Variants in IMMP2L observed in about 807,000 individuals in gnomAD.
The protein encoded by IMMP2L is mitochondrial inner membrane protease subunit 2.
IMMP2L carries 18 observed loss-of-function variants against 19.3 expected under a neutral mutation model. That is an observed-to-expected ratio of 0.93 (90% CI 0.64 to 1.38). The LOEUF is 1.38. Ranked by LOEUF, IMMP2L falls within the 40% of genes most tolerant of loss-of-function variation. The pLI, the probability that IMMP2L is intolerant of heterozygous loss-of-function variation, is 0.00. For synonymous variants in IMMP2L, 76 were observed against 73.0 expected, an observed-to-expected ratio of 1.04 and a Z score of -0.21; for missense variants, 233 against 218.2, an observed-to-expected ratio of 1.07 and a Z score of -0.43.
At chr7:111,331,697 A>T (rs1825895611) in intron 3 of IMMP2L, among the ~76,000 whole-genome samples, 1 of 151,902 alleles carries the variant, frequency 6.6e-6, no homozygotes, top group Non-Finnish European at 1.5e-5. Flanking sequence ...ATAAATTATC[A>T]ATTTACAATT....
rs556093028 is a variant in IMMP2L, at chr7:110,844,457, C to T, written c.408+42136G>A. Reference sequence around the variant, plus strand: ...GAAGAGTTCAGTATGAAATGGAAACCAAAAAAAGTTTAGCAGTTTTGCACC... The same window carrying T: ...GAAGAGTTCAGTATGAAATGGAAACTAAAAAAAGTTTAGCAGTTTTGCACC... On this transcript the variant is annotated intron_variant, in intron 5 of 5. Coordinates refer to ENST00000405709, the MANE Select transcript of IMMP2L (RefSeq NM_032549.4). Among the ~76,000 whole-genome samples the T allele has an allele frequency of 2.0e-5, 3 of 151,466 alleles. No homozygotes were observed. The South Asian group carries it at 6.3e-4, about 32-fold the overall frequency.
intron 3 of IMMP2L, chr7:111,411,280 AAT>A (rs1237724194): frequency 4.8e-6 from 1 of 207,368 alleles, no homozygotes; most frequent in African/African-American, 2.4e-5. Flanking sequence ...AGCCAGATCA[AAT>A]ATTTTTCAAA....
At chr7:110,947,836 T>C (rs1352742579) in intron 4 of IMMP2L, among the ~76,000 whole-genome samples, 1 of 152,172 alleles carries the variant, frequency 6.6e-6, no homozygotes, top group Non-Finnish European at 1.5e-5. Context: ...CATATTAAAA[T>C]CAGGTATCAC....
chr7:111,117,135 A>C (rs1262468177), intron 3 of IMMP2L, among the ~76,000 whole-genome samples: 1 of 152,144 alleles, frequency 6.6e-6, no homozygotes, highest in Non-Finnish European at 1.5e-5. Flanking sequence ...CACTGATCCT[A>C]AATTTGTTAA....
At chr7:111,014,142 T>A (rs1825254062) in intron 3 of IMMP2L, among the ~76,000 whole-genome samples, 1 of 152,080 alleles carries the variant, frequency 6.6e-6, no homozygotes, top group Non-Finnish European at 1.5e-5. Context: ...GGGAGGCAGA[T>A]CACTTGAGGC....
intron 3 of IMMP2L, among the ~76,000 whole-genome samples, chr7:111,440,294 T>G (rs1006052515): frequency 2.0e-5 from 3 of 151,848 alleles, no homozygotes; most frequent in Non-Finnish European, 4.4e-5. Context: ...AGAGGAATCG[T>G]TATCTATGGC....
At chr7:111,331,484 A>G (rs1825869230) in intron 3 of IMMP2L, among the ~76,000 whole-genome samples, 2 of 151,828 alleles carry the variant, frequency 1.3e-5, no homozygotes, top group Admixed American at 6.6e-5. Context: ...TGCTTTTTTT[A>G]GTTCTATTGC....
At chr7:111,231,197 T>C (rs1813680009) in intron 3 of IMMP2L, among the ~76,000 whole-genome samples, 1 of 152,044 alleles carries the variant, frequency 6.6e-6, no homozygotes, top group Admixed American at 6.6e-5. Flanking sequence ...TCTGTCTCCA[T>C]TTCTCAAATG....
At chr7:110,993,663 C>T (rs1822718840) in intron 3 of IMMP2L, among the ~76,000 whole-genome samples, 1 of 151,926 alleles carries the variant, frequency 6.6e-6, no homozygotes, top group African/African-American at 2.4e-5. Context: ...TGCCCTCCGA[C>T]AGTCTGACTT....
intron 5 of IMMP2L, among the ~76,000 whole-genome samples, chr7:110,687,630 C>CT (rs781445652): frequency 1.4e-4 from 22 of 151,914 alleles, no homozygotes; most frequent in Non-Finnish European, 2.5e-4. Flanking sequence ...AAATTTAGAT[C>CT]TTAATGATTA....
chr7:110,886,086 A>G (rs899633436), intron 5 of IMMP2L, among the ~76,000 whole-genome samples: 2 of 152,020 alleles, frequency 1.3e-5, no homozygotes, highest in East Asian at 3.9e-4. Context: ...CTTTTCTCCT[A>G]TGACTCTGTC....
intron 2 of IMMP2L, among the ~76,000 whole-genome samples, chr7:111,506,074 C>G (rs1322228468): frequency 6.6e-6 from 1 of 151,826 alleles, no homozygotes. Context: ...TTGAGAACAC[C>G]TGGGCAACAT....
chr7:111,374,410 T>G (rs1830505706), intron 3 of IMMP2L, among the ~76,000 whole-genome samples: 1 of 151,820 alleles, frequency 6.6e-6, no homozygotes, highest in Non-Finnish European at 1.5e-5. Flanking sequence ...CTAATAGAAC[T>G]TAGTGATGAG....
intron 3 of IMMP2L, among the ~76,000 whole-genome samples, chr7:110,996,020 A>C (rs1271622813): frequency 6.6e-6 from 1 of 152,184 alleles, no homozygotes; most frequent in Admixed American, 6.6e-5. Flanking sequence ...GACCTGGGTT[A>C]AATCCCAGCT....
intron 3 of IMMP2L, among the ~76,000 whole-genome samples, chr7:111,302,407 G>A (rs559556937): frequency 3.9e-5 from 6 of 152,150 alleles, no homozygotes; most frequent in South Asian, 4.1e-4. Context: ...AGTGCTTGAC[G>A]TCCCTATTTA....
intron 3 of IMMP2L, among the ~76,000 whole-genome samples, chr7:111,139,715 C>A (rs889337825): frequency 6.6e-6 from 1 of 151,958 alleles, no homozygotes. Flanking sequence ...AGCAATAAAC[C>A]TCAAATTCCT....
At chr7:110,762,794 A>G (rs6466360) in intron 5 of IMMP2L, among the ~76,000 whole-genome samples, 60,930 of 151,900 alleles carry the variant, frequency 0.4, 12,392 homozygotes, top group African/African-American at 0.46. Context: ...AAGCAATACA[A>G]TTCCCAAAAA....
intron 3 of IMMP2L, among the ~76,000 whole-genome samples, chr7:111,111,518 G>C (rs1586341574): frequency 6.6e-6 from 1 of 151,322 alleles, no homozygotes; most frequent in South Asian, 2.1e-4. Flanking sequence ...CACTCTTTTG[G>C]GGGATCTCAT....
At chr7:110,849,491 A>G (rs1480924229) in intron 5 of IMMP2L, among the ~76,000 whole-genome samples, 6 of 152,160 alleles carry the variant, frequency 3.9e-5, no homozygotes, top group African/African-American at 1.2e-4. Flanking sequence ...TCAATTAAAA[A>G]AGACAAAGTT....
Sources: allele counts gnomAD v4.1 joint callset (sites outside exome capture counted in the v4.1 genomes callset), GRCh38; gene constraint gnomAD v4.1.1; transcripts MANE v1.5; gene names NCBI Gene and HGNC (gene_info 2026-07-23, HGNC 2026-07-21).